CLK3: variants seen among roughly 807,000 people sequenced by gnomAD.
CLK3 encodes CDC like kinase 3, also known as dual specificity protein kinase CLK3.
Under a neutral mutation model 65.2 loss-of-function variants are expected in CLK3, and 24 were observed. The observed-to-expected ratio is 0.37, with a 90% CI of 0.27 to 0.52. CLK3 has a LOEUF of 0.52. CLK3 is among the 20% of genes least tolerant of loss of function. CLK3 has a pLI of 0.92. For synonymous variants in CLK3, 252 were observed against 240.8 expected (o/e 1.05, Z -0.43); for missense variants, 506 against 660.0 (o/e 0.77, Z 2.56).
chr15:74,626,766 T>C (rs2062145993), intron 7 of CLK3, among the ~76,000 whole-genome samples: 1 of 152,112 alleles, frequency 6.6e-6, no homozygotes, highest in Non-Finnish European at 1.5e-5. Flanking sequence ...GATGGGATCC[T>C]TGAGCTGAAA....
At chr15:74,623,908 G>A (rs1596289474) in intron 5 of CLK3, 1 of 152,272 alleles carries the variant, frequency 6.6e-6, no homozygotes, top group African/African-American at 2.4e-5. Flanking sequence ...CTGTGCTGAG[G>A]ACTGGAATGC....
chr15:74,620,229 A>G lies in CLK3; in HGVS notation c.369+4A>G, dbSNP rs765409260. On this transcript the variant is annotated splice_donor_region_variant and intron_variant, in intron 3 of 12. Transcript: ENST00000395066. The stretch of plus-strand genomic sequence containing the variant: ...GTCTTGTAGCAGCGCCTCCTCGGTG[A>G]GTGGTAGCCAGAGTGTGCTGGCTGG... 1 of 1,613,782 alleles carries G rather than the reference A, an allele frequency of 6.2e-7. No homozygotes were observed. Among genetic ancestry groups the G allele is most frequent in the Non-Finnish European group, 8.5e-7 (1 of 1,179,916 alleles).
At position 74,629,745 on chromosome 15, in the gene CLK3, G is replaced by C. The variant is rs1214122151; in HGVS notation, c.1335G>C (p.Leu445=). The change falls in exon 13 of 13, where the codon CTG becomes CTC. Residue 445 remains leucine (L), a synonymous_variant. Transcript: ENST00000395066. ...AAGACTCCCTGGAGCACGTGCAGCT[G>C]TTTGACCTGATGAGGAGGATGTTAG... The part of the protein sequence containing the change: ...MLQDSLEHVQ[L]FDLMRRMLEF... The C allele has an allele frequency of 5.6e-6, 9 of 1,613,590 alleles. No individual in the cohort carries two copies.
At chr15:74,615,504 CG>C, upstream of CLK3, 2 of 1,307,970 alleles carry the variant, frequency 1.5e-6, no homozygotes. Context: ...CACGCGGGGT[CG>C]GGGCGACGGA....
intron 11 of CLK3, 98 bp from the exon 12 acceptor site, chr15:74,628,844 G>T: frequency 9.6e-7 from 1 of 1,041,154 alleles, no homozygotes; most frequent in Non-Finnish European, 1.5e-6. Flanking sequence ...CTGTTGCCCT[G>T]GTTCTGCTGC....
At chr15:74,625,744 A>G (rs1034513181) in intron 6 of CLK3, 58 bp from the exon 7 acceptor site, 8 of 1,588,686 alleles carry the variant, frequency 5.0e-6, no homozygotes, top group East Asian at 4.5e-5. Context: ...CATCTGAGAG[A>G]GGGGGTGAGG....
intron 6 of CLK3, among the ~76,000 whole-genome samples, chr15:74,625,560 C>T (rs1567144548): frequency 6.6e-6 from 1 of 152,174 alleles, no homozygotes; most frequent in African/African-American, 2.4e-5. Flanking sequence ...TGGACCAGAA[C>T]CGTGGACATC....
chr15:74,615,872 C>T lies in CLK3; in HGVS notation c.-27C>T, dbSNP rs918860827. ...AGGCGCTCGGAGCGGGGAGTGGGGC[C>T]TAGCTGCAGCCGGAGCCTGGGAGAC... On this transcript the variant is annotated 5_prime_UTR_variant, in exon 1 of 13. Transcript: ENST00000395066. 1.0e-5 allele frequency: 13 copies of T among 1,255,696 alleles called. No homozygotes were observed. Among genetic ancestry groups the T allele is most frequent in the Non-Finnish European group, 1.3e-5 (13 of 1,000,192 alleles). The allele number at this position is 1,255,696 out of a possible 1,614,324, so 77.8% of individuals were successfully genotyped here. A position where few individuals can be genotyped will look rare whatever the true frequency, so the allele number is the denominator to read the frequency against.
Position 74,628,946 on chromosome 15 carries a change from C to G in CLK3, c.1210C>G (p.Gln404Glu). 1 of 1,610,510 alleles carries G rather than the reference C, an allele frequency of 6.2e-7. No homozygotes were observed. The highest frequency in any genetic ancestry group is 8.5e-7 in the Non-Finnish European group (1 of 1,176,786). ...CTCCACCCCCTTAATTTTCAGGAAG[C>G]AGAAATATTTCTACAAAGGGGGCCT... Reference protein sequence around the residue: ...PSHMIHRTRKQKYFYKGGLVW... With the variant: ...PSHMIHRTRKEKYFYKGGLVW... The change falls in exon 12 of 13, where the codon CAG becomes GAG. Residue 404 changes from glutamine (Q) to glutamate (E), a missense_variant. This residue lies in a region of CLK3 where 325 missense variants were observed against 500.5 expected (regional missense o/e 0.65). Transcript: ENST00000395066.
At chr15:74,610,145 A>C (rs949747108) in intron 1 of CLK3, among the ~76,000 whole-genome samples, 2 of 152,270 alleles carry the variant, frequency 1.3e-5, no homozygotes, top group Non-Finnish European at 2.9e-5. Context: ...GGGGATCCCC[A>C]GGCTGGGCTC....
intron 12 of CLK3, 116 bp from the exon 13 acceptor site, chr15:74,629,591 A>G (rs1319618417): frequency 2.7e-6 from 2 of 727,672 alleles, no homozygotes; most frequent in Admixed American, 4.9e-5. Flanking sequence ...GAGTCCTCCA[A>G]GGAGGCATCA....
chr15:74,615,824 G>A, upstream of CLK3: 3 of 1,247,750 alleles, frequency 2.4e-6, no homozygotes, highest in Non-Finnish European at 3.0e-6. Flanking sequence ...GCCACGGGCG[G>A]AGGTCGCAGC....
Position 74,627,046 on chromosome 15 carries a change from TG to T in CLK3, c.818-305del. On this transcript the variant is annotated intron_variant, in intron 7 of 12. Transcript: ENST00000395066. The surrounding 1 kb of genome is among the most constrained non-coding windows in gnomAD (Gnocchi z 4.3). ...GAGGGAACCACCTCGAGGCTGTTGC[TG>T]TAGCTCTGCTGAGAGACAGGTGAGG... The T allele has an allele frequency of 1.9e-6, 1 of 517,102 alleles. No homozygotes were observed. The highest frequency in any genetic ancestry group is 1.5e-5 in the South Asian group (1 of 65,168). 32.0% of individuals were successfully genotyped at this position (517,102 alleles called of 1,614,324 possible). A position where few individuals can be genotyped will look rare whatever the true frequency, so the allele number is the denominator to read the frequency against.
At chr15:74,611,677 C>T (rs966618693), upstream of CLK3, among the ~76,000 whole-genome samples, 9 of 152,354 alleles carry the variant, frequency 5.9e-5, no homozygotes, top group African/African-American at 2.2e-4. Flanking sequence ...TTCCTATGCT[C>T]ACCTGCACCC....
At position 74,615,901 on chromosome 15, in the gene CLK3, A is replaced by C; in HGVS notation, c.-1+3A>C. The C allele has an allele frequency of 8.0e-7, 1 of 1,252,590 alleles. No individual in the cohort carries two copies. The highest frequency in any genetic ancestry group is 1.5e-5 in the African/African-American group (1 of 65,006). The allele number at this position is 1,252,590 out of a possible 1,614,324, so 77.6% of individuals were successfully genotyped here. A position where few individuals can be genotyped will look rare whatever the true frequency, so the allele number is the denominator to read the frequency against. On this transcript the variant is annotated splice_donor_region_variant and intron_variant, in intron 1 of 12. Transcript: ENST00000395066. The stretch of plus-strand genomic sequence containing the variant: ...CTGCAGCCGGAGCCTGGGAGACGGT[A>C]AGTGTGGGCTGGGGTCCGCGGCGGC...
chr15:74,619,236 C>G lies in CLK3; in HGVS notation c.40C>G (p.Pro14Ala). ...CKRYRSPEPD[P>A]YLSYRWKRRR... is the part of the protein sequence containing the mutation. ...GCGATACCGCTCCCCTGAACCAGACCCGTACCTGAGCTACCGATGGAAGAG... is the reference window on the plus strand; with the variant it reads ...GCGATACCGCTCCCCTGAACCAGACGCGTACCTGAGCTACCGATGGAAGAG... Residue 14 changes from proline to alanine, a missense_variant, in exon 2 of 13, where the codon CCG (proline) becomes GCG (alanine). Transcript: ENST00000395066. 2 of 1,614,162 alleles carry G rather than the reference C, an allele frequency of 1.2e-6. No homozygotes were observed. Among genetic ancestry groups the G allele is most frequent in the Non-Finnish European group, 1.7e-6 (2 of 1,180,016 alleles).
rs760885143 is a variant in CLK3 at position 74,628,086 on chromosome 15, G to A, written c.1125+34G>A. ...ACCCTGCATTGGTCCCCTACCCTGA[G>A]TACTGCTACTGTGATAGGCTGCAGG... On this transcript the variant is annotated intron_variant, in intron 10 of 12. Transcript: ENST00000395066. 3.5e-6 allele frequency: 5 copies of A among 1,439,684 alleles called. No individual in the cohort carries two copies. The Admixed American group carries it at 5.0e-5, about 14-fold the overall frequency. The allele number at this position is 1,439,684 out of a possible 1,614,324, so 89.2% of individuals were successfully genotyped here. A position where few individuals can be genotyped will look rare whatever the true frequency, so the allele number is the denominator to read the frequency against.
At chr15:74,618,911 C>T (rs1402247394) in intron 1 of CLK3, among the ~76,000 whole-genome samples, 2 of 152,252 alleles carry the variant, frequency 1.3e-5, no homozygotes, top group Non-Finnish European at 2.9e-5. Context: ...ACTGCCTCAG[C>T]CCCTGGCCCT....
intron 12 of CLK3, 51 bp downstream of exon 12, chr15:74,629,083 G>A (rs750664410): frequency 2.2e-6 from 3 of 1,338,068 alleles, no homozygotes; most frequent in South Asian, 1.2e-5. Context: ...GAGACCCCAG[G>A]CACTGGGCAG....
Sources: allele counts gnomAD v4.1 joint callset (sites outside exome capture counted in the v4.1 genomes callset), GRCh38; gene constraint gnomAD v4.1.1; regional missense constraint gnomAD v4.1.1; non-coding constraint Gnocchi (gnomAD v3.1); transcripts MANE v1.5; gene names NCBI Gene and HGNC (gene_info 2026-07-23, HGNC 2026-07-21).